Variants in KCNQ3 observed in about 807,000 individuals in gnomAD.
The protein encoded by KCNQ3 is potassium voltage-gated channel subfamily KQT member 3.
In KCNQ3, 30 loss-of-function variants were observed where a neutral mutation model predicts 92.5. The observed-to-expected ratio is 0.32, with a 90% confidence interval of 0.24 to 0.44. KCNQ3 has a LOEUF of 0.44. Ranked by LOEUF, KCNQ3 falls within the 20% of genes least tolerant of loss-of-function variation. The probability of loss-of-function intolerance (pLI) is 1.00; values close to 1 mark genes in which losing one functional copy is unlikely to be tolerated. For missense variants in KCNQ3, 913 were observed against 1,140.3 expected, an observed-to-expected ratio of 0.80 and a Z score of 2.87; for synonymous variants, 450 against 468.8, an observed-to-expected ratio of 0.96 and a Z score of 0.52.
chr8:132,403,016 C>A (rs201049158), intron 1 of KCNQ3, among the ~76,000 whole-genome samples: 342 of 67,608 alleles, frequency 5.1e-3, no homozygotes, highest in Admixed American at 5.9e-3. Flanking sequence ...GGCACCATCA[C>A]AAAAAAAAAA....
At position 132,480,419 on chromosome 8, in the gene KCNQ3, G is replaced by C. The variant is rs1477607835; in HGVS notation, c.114C>G (p.Asp38Glu). The C allele has an allele frequency of 1.4e-6, 2 of 1,477,280 alleles. No individual in the cohort carries two copies. The highest frequency in any genetic ancestry group is 1.8e-6 in the Non-Finnish European group (2 of 1,118,616). 91.5% of individuals were successfully genotyped at this position (1,477,280 alleles called of 1,614,324 possible). Residue 38 changes from aspartate to glutamate, a missense_variant, in exon 1 of 15, where the codon GAC (aspartate) becomes GAG (glutamate). This residue lies in a region of KCNQ3 where 183 missense variants were observed against 167.7 expected (regional missense o/e 1.09). Coordinates refer to ENST00000388996, the MANE Select transcript of KCNQ3 (RefSeq NM_004519.4). ...PAGGDAAAAG[D>E]EERKVGLAPG... ...GCGCCAGCCCCACTTTCCGCTCCTC[G>C]TCGCCGGCCGCCGCCGCGTCCCCTC...
intron 1 of KCNQ3, among the ~76,000 whole-genome samples, chr8:132,463,093 A>G (rs968568224): frequency 6.6e-6 from 1 of 152,242 alleles, no homozygotes; most frequent in Non-Finnish European, 1.5e-5. Context: ...GAAGACGACA[A>G]TTTGGCCCAC....
At chr8:132,150,972 C>G (rs1024444914) in intron 9 of KCNQ3, among the ~76,000 whole-genome samples, 1 of 151,726 alleles carries the variant, frequency 6.6e-6, no homozygotes, top group South Asian at 2.1e-4. Flanking sequence ...AAAATAAAAA[C>G]ATTATTGTTG....
At chr8:132,387,137 G>T (rs1819910046) in intron 1 of KCNQ3, among the ~76,000 whole-genome samples, 1 of 152,102 alleles carries the variant, frequency 6.6e-6, no homozygotes. Flanking sequence ...GTAAAATCTT[G>T]GTAGGAGAGT....
chr8:132,429,276 G>T (rs1261914725), intron 1 of KCNQ3, among the ~76,000 whole-genome samples: 1 of 152,128 alleles, frequency 6.6e-6, no homozygotes, highest in Non-Finnish European at 1.5e-5. Flanking sequence ...GCCCATGGGT[G>T]GTTCCAAGTG....
At chr8:132,156,269 C>T (rs1158661584) in intron 9 of KCNQ3, among the ~76,000 whole-genome samples, 1 of 151,702 alleles carries the variant, frequency 6.6e-6, no homozygotes, top group Non-Finnish European at 1.5e-5. Context: ...TCCAGCCAGC[C>T]CATGTGGTCA....
chr8:132,205,879 A>C lies in KCNQ3; in HGVS notation c.387-19698T>G, dbSNP rs148502893. On this transcript the variant is annotated intron_variant, in intron 1 of 14. Coordinates refer to ENST00000388996, the MANE Select transcript of KCNQ3 (RefSeq NM_004519.4). ...AGGAAATATCTAGAACAGCTGTATT[A>C]ATAGATGTGCAAGGCAGAGCATCAC... Among the ~76,000 whole-genome samples the C allele has an allele frequency of 3.5e-3, 529 of 152,300 alleles. 2 individuals carry two copies. Among genetic ancestry groups the C allele is most frequent in the African/African-American group, 0.012 (502 of 41,576 alleles).
intron 1 of KCNQ3, among the ~76,000 whole-genome samples, chr8:132,363,721 C>T (rs1819235651): frequency 1.3e-5 from 2 of 151,806 alleles, no homozygotes; most frequent in Non-Finnish European, 2.9e-5. Flanking sequence ...CTCCCACGTG[C>T]TCACGTCATT....
chr8:132,275,490 G>A lies in KCNQ3; in HGVS notation c.387-89309C>T, dbSNP rs141953360. Among the ~76,000 whole-genome samples, 1,041 of 152,194 alleles carry A rather than the reference G, an allele frequency of 6.8e-3. 3 individuals carry two copies. Among genetic ancestry groups the A allele is most frequent in the Non-Finnish European group, 0.012 (795 of 68,016 alleles). On this transcript the variant is annotated intron_variant, in intron 1 of 14. Transcript: ENST00000388996. ...AACAGCAAAACCCCAGCCTTTGGAG[G>A]CTGGAAGGAGTATGAGGGTCATTTG...
chr8:132,241,184 C>G (rs1233907920), intron 1 of KCNQ3, among the ~76,000 whole-genome samples: 2 of 152,100 alleles, frequency 1.3e-5, no homozygotes, highest in African/African-American at 4.8e-5. Context: ...CCACCGTGCC[C>G]AGCCTAGCTA....
intron 1 of KCNQ3, among the ~76,000 whole-genome samples, chr8:132,283,573 G>A (rs1816594534): frequency 6.6e-6 from 1 of 152,188 alleles, no homozygotes; most frequent in Non-Finnish European, 1.5e-5. Context: ...AGCAATGGAG[G>A]TCAGCATGAC....
At chr8:132,379,453 T>A (rs1819688609) in intron 1 of KCNQ3, among the ~76,000 whole-genome samples, 1 of 152,118 alleles carries the variant, frequency 6.6e-6, no homozygotes, top group African/African-American at 2.4e-5. Flanking sequence ...ACTCCCCTCA[T>A]CATTTACAAT....
chr8:132,129,979 C>A lies in KCNQ3; in HGVS notation c.1902G>T (p.Lys634Asn). Residue 634 changes from lysine (K) to asparagine (N), a missense_variant, in exon 15 of 15, where the codon AAG (lysine) becomes AAT (asparagine). Physicochemically the swap from Lys to Asn is moderately conservative, Grantham distance 94. Around this residue, in one of 6 missense-constraint regions of KCNQ3, gnomAD observed 375 missense variants for 376.4 expected, o/e 1.00. Coordinates refer to ENST00000388996, the MANE Select transcript of KCNQ3 (RefSeq NM_004519.4). The surrounding 1 kb of genome is among the most constrained non-coding windows in gnomAD (Gnocchi z 5.9). The stretch of plus-strand genomic sequence containing the variant: ...GCATATCCACGAGGAAGTCCAGCTT[C>A]TTCCCCATGTCCTGAACCTGGAAAA... ...KVERQVQDMGKKLDFLVDMHM... is the reference protein window; with the variant it reads ...KVERQVQDMGNKLDFLVDMHM... 6.2e-7 allele frequency: 1 copy of A among 1,613,606 alleles called. No homozygotes were observed. The highest frequency in any genetic ancestry group is 2.2e-5 in the East Asian group (1 of 44,876).
At position 132,122,421 on chromosome 8, in the gene KCNQ3, G is replaced by A. The variant is rs1054951261; in HGVS notation, c.*6841C>T. On this transcript the variant is annotated 3_prime_UTR_variant, in exon 15 of 15. Coordinates refer to ENST00000388996, the MANE Select transcript of KCNQ3 (RefSeq NM_004519.4). ...TTTTATTACTCTTAGGTATCAAATTGCAGTCCATTCGACAAGTCTAAGAGG... is the reference window on the plus strand; with the variant it reads ...TTTTATTACTCTTAGGTATCAAATTACAGTCCATTCGACAAGTCTAAGAGG... The A allele has an allele frequency of 6.6e-6, 1 of 152,160 alleles. No individual in the cohort carries two copies. Among genetic ancestry groups the A allele is most frequent in the African/African-American group, 2.4e-5 (1 of 41,434 alleles). 9.4% of individuals were successfully genotyped at this position (152,160 alleles called of 1,614,324 possible).
intron 1 of KCNQ3, among the ~76,000 whole-genome samples, chr8:132,211,737 G>A (rs995020597): frequency 6.6e-6 from 1 of 152,050 alleles, no homozygotes; most frequent in Non-Finnish European, 1.5e-5. Context: ...TGGATCACGA[G>A]GTCAGGCATT....
rs531588810 is a variant in KCNQ3 at position 132,181,105 on chromosome 8, G to C, written c.605-776C>G. Among the ~76,000 whole-genome samples the C allele has an allele frequency of 9.2e-4, 140 of 152,278 alleles. 1 individual carries two copies. Among genetic ancestry groups the C allele is most frequent in the Non-Finnish European group, 1.6e-3 (110 of 68,022 alleles). On this transcript the variant is annotated intron_variant, in intron 3 of 14. Transcript: ENST00000388996. ...GGCCCACCCATGACATGGGATGCTGGTATCAGGAGATGGCATGAGAATGTC... is the reference window on the plus strand; with the variant it reads ...GGCCCACCCATGACATGGGATGCTGCTATCAGGAGATGGCATGAGAATGTC...
intron 1 of KCNQ3, among the ~76,000 whole-genome samples, chr8:132,377,836 T>C (rs1412265033): frequency 2.0e-5 from 3 of 152,192 alleles, no homozygotes; most frequent in African/African-American, 4.8e-5. Context: ...TCTTAGAAGA[T>C]TATGTCAATA....
At chr8:132,388,461 T>C (rs1819957659) in intron 1 of KCNQ3, among the ~76,000 whole-genome samples, 2 of 152,144 alleles carry the variant, frequency 1.3e-5, no homozygotes, top group African/African-American at 4.8e-5. Context: ...GATTAAAAAC[T>C]TTCTACCTTT....
intron 1 of KCNQ3, among the ~76,000 whole-genome samples, chr8:132,422,461 C>T (rs1820996667): frequency 6.6e-6 from 1 of 152,202 alleles, no homozygotes. Flanking sequence ...CTCTATCCTG[C>T]AGGTGTGCCT....
Sources: gnomAD v4.1 joint callset for allele counts (sites outside exome capture counted in the v4.1 genomes callset) on GRCh38, gnomAD v4.1.1 for gene constraint, gnomAD v4.1.1 regional missense constraint, Gnocchi (gnomAD v3.1) non-coding constraint, MANE v1.5 for transcripts, NCBI Gene and HGNC (gene_info 2026-07-23, HGNC 2026-07-21) for gene names.